SEC23IP: variants seen among roughly 807,000 people sequenced by gnomAD.
SEC23IP encodes the protein SEC23-interacting protein.
Under a neutral mutation model 113.4 loss-of-function variants are expected in SEC23IP, and 70 were observed. The ratio of observed to expected loss-of-function variants is 0.62; its 90% CI spans 0.51 to 0.75. SEC23IP has a LOEUF of 0.75. SEC23IP is among the 30% of genes least tolerant of loss of function. The probability of loss-of-function intolerance (pLI) is 0.00; values close to 1 mark genes in which losing one functional copy is unlikely to be tolerated. For synonymous variants in SEC23IP, 398 were observed against 421.0 expected (o/e 0.95, Z 0.67); for missense variants, 1,160 against 1,204.9 (o/e 0.96, Z 0.55).
In SEC23IP at chr10:119,918,508, G is replaced by A. The variant is rs771202705; in HGVS notation, c.1869G>A (p.Lys623=). ...GVVKQLHFQE[K]QMPEEPKLTL... ...TGAAGCAGCTACATTTTCAGGAAAA[G>A]CAGGTACGTCTGTACGTGGCCAATT... Residue 623 remains lysine, a synonymous_variant, in exon 10 of 19, where the codon AAG becomes AAA. Coordinates refer to ENST00000369075, the MANE Select transcript of SEC23IP (RefSeq NM_007190.4). 1.3e-6 allele frequency: 2 copies of A among 1,592,574 alleles called. No individual in the cohort carries two copies. The highest frequency in any genetic ancestry group is 1.7e-6 in the Non-Finnish European group (2 of 1,160,390).
intron 1 of SEC23IP, 95 bp downstream of exon 1, chr10:119,893,040 C>T: frequency 7.2e-7 from 1 of 1,387,096 alleles, no homozygotes; most frequent in South Asian, 1.3e-5. Flanking sequence ...CTGCCTCGAG[C>T]TACCCTCTGG....
chr10:119,927,114 C>A (rs1855447936), intron 13 of SEC23IP, among the ~76,000 whole-genome samples: 1 of 152,112 alleles, frequency 6.6e-6, no homozygotes, highest in Admixed American at 6.5e-5. Context: ...CTCAGGTTAG[C>A]CTCGAACTCC....
intron 13 of SEC23IP, among the ~76,000 whole-genome samples, chr10:119,927,948 G>T (rs1855475266): frequency 6.6e-6 from 1 of 152,228 alleles, no homozygotes; most frequent in African/African-American, 2.4e-5. Context: ...TGGCAGTTTA[G>T]AAGGTTGCCT....
intron 6 of SEC23IP, among the ~76,000 whole-genome samples, chr10:119,912,740 A>G (rs1478134495): frequency 1.3e-5 from 2 of 148,426 alleles, no homozygotes; most frequent in Admixed American, 6.8e-5. Context: ...TCCCAGGTTC[A>G]TGCGATTCTC....
At chr10:119,935,892 C>T (rs1855763126) in intron 18 of SEC23IP, among the ~76,000 whole-genome samples, 1 of 152,232 alleles carries the variant, frequency 6.6e-6, no homozygotes, top group East Asian at 1.9e-4. Context: ...AAGAAGACCA[C>T]TTCAGGTGGA....
chr10:119,918,303 T>C (rs1048347473), intron 9 of SEC23IP, 90 bp from the exon 10 acceptor site: 1 of 802,666 alleles, frequency 1.2e-6, no homozygotes, highest in African/African-American at 1.7e-5. Context: ...ATGTAACTTC[T>C]GTATGACTTT....
At position 119,932,249 on chromosome 10, in the gene SEC23IP, C is replaced by G; in HGVS notation, c.2689C>G (p.Gln897Glu). 1 of 1,613,884 alleles carries G rather than the reference C, an allele frequency of 6.2e-7. No homozygotes were observed. The highest frequency in any genetic ancestry group is 8.5e-7 in the Non-Finnish European group (1 of 1,179,846). The change falls in exon 16 of 19, where the codon CAG becomes GAG. Residue 897 changes from glutamine (Q) to glutamate (E), a missense_variant. By Grantham distance (29) the Gln-to-Glu change is conservative (BLOSUM62 2). Transcript: ENST00000369075. ...TGCCCGTGCTCATACGTCTTCAACCCAGTTGCAAGAAGAATTGGAGAAGGT... is the reference window on the plus strand; with the variant it reads ...TGCCCGTGCTCATACGTCTTCAACCGAGTTGCAAGAAGAATTGGAGAAGGT... ...EFARAHTSST[Q>E]LQEELEKVAN... is the part of the protein sequence containing the mutation.
chr10:119,915,815 G>A lies in SEC23IP; in HGVS notation c.1470G>A (p.Gly490=), dbSNP rs1224634552. The change falls in exon 8 of 19, where the codon GGG becomes GGA. Residue 490 remains glycine (G), a synonymous_variant. Coordinates refer to ENST00000369075, the MANE Select transcript of SEC23IP (RefSeq NM_007190.4). ...ATTTCAAGAAATCTTTAGATGACGG[G>A]AAAGTAAGCAGAGTGGAGTTCCTTC... ...RTHFKKSLDD[G]KVSRVEFLPV... The A allele has an allele frequency of 1.9e-6, 3 of 1,605,146 alleles. No homozygotes were observed. Among genetic ancestry groups the A allele is most frequent in the African/African-American group, 1.3e-5 (1 of 74,794 alleles).
intron 12 of SEC23IP, among the ~76,000 whole-genome samples, chr10:119,923,953 G>A (rs191652945): frequency 6.6e-6 from 1 of 152,324 alleles, no homozygotes; most frequent in Admixed American, 6.5e-5. Context: ...TCCTTAGACA[G>A]CTCTCAGCAA....
intron 2 of SEC23IP, among the ~76,000 whole-genome samples, chr10:119,900,896 A>G (rs1385725000): frequency 6.6e-6 from 1 of 151,982 alleles, no homozygotes; most frequent in Non-Finnish European, 1.5e-5. Context: ...TCATTTTGTT[A>G]TATGTCTTTT....
At chr10:119,894,892 C>CTGTGTGTGTGTG (rs3065498) in intron 1 of SEC23IP, among the ~76,000 whole-genome samples, 31 of 143,498 alleles carry the variant, frequency 2.2e-4, no homozygotes, top group Admixed American at 1.5e-3. Flanking sequence ...TGGAGACAGT[C>CTGTGTGTGTGTG]TGTGTGTGTG....
In SEC23IP at chr10:119,918,376, A is replaced by G. The variant is rs1273284967; in HGVS notation, c.1754-17A>G. 4.1e-6 allele frequency: 6 copies of G among 1,464,674 alleles called. No individual in the cohort carries two copies. Among genetic ancestry groups the G allele is most frequent in the Non-Finnish European group, 5.7e-6 (6 of 1,047,422 alleles). 90.7% of individuals were successfully genotyped at this position (1,464,674 alleles called of 1,614,324 possible). A position where few individuals can be genotyped will look rare whatever the true frequency, so the allele number is the denominator to read the frequency against. On this transcript the variant is annotated splice_polypyrimidine_tract_variant and intron_variant, in intron 9 of 18. Transcript: ENST00000369075. ...AGTACCTACTACATTATAAGGCAAAATGTTTCTTTTTCATAGGTTCTTTAA... is the reference window on the plus strand; with the variant it reads ...AGTACCTACTACATTATAAGGCAAAGTGTTTCTTTTTCATAGGTTCTTTAA...
Position 119,902,824 on chromosome 10 carries a change from C to T in SEC23IP, c.722C>T (p.Ala241Val). ...PPVPSSVQSP[A>V]QQQVPARPGA... ...GTTCCTTCTTCAGTGCAGTCACCGG[C>T]ACAGCAGCAGGTACCTGCCAGACCT... The change falls in exon 3 of 19, where the codon GCA becomes GTA. Residue 241 changes from alanine to valine, a missense_variant. Coordinates refer to ENST00000369075, the MANE Select transcript of SEC23IP (RefSeq NM_007190.4). 6.2e-7 allele frequency: 1 copy of T among 1,614,174 alleles called. No homozygotes were observed. Among genetic ancestry groups the T allele is most frequent in the Non-Finnish European group, 8.5e-7 (1 of 1,180,002 alleles).
chr10:119,929,624 C>CGT lies in SEC23IP; in HGVS notation c.2331_2332insGT (p.Ser778ValfsTer3). On this transcript the variant is annotated frameshift_variant, in exon 14 of 19. Coordinates refer to ENST00000369075, the MANE Select transcript of SEC23IP (RefSeq NM_007190.4). LOFTEE classifies it high-confidence loss of function. The stretch of plus-strand genomic sequence containing the variant: ...CTTTCCAGGTTTCTGTTGCTTACAA[C>CGT]TCATTAGATTTTGAACCAGAGATAT... 6.2e-7 allele frequency: 1 copy of CGT among 1,610,356 alleles called. No individual in the cohort carries two copies.
At chr10:119,924,225 T>G (rs1316415979) in intron 12 of SEC23IP, among the ~76,000 whole-genome samples, 1 of 152,204 alleles carries the variant, frequency 6.6e-6, no homozygotes, top group African/African-American at 2.4e-5. Context: ...AATTAAATAA[T>G]AAGATCATTT....
chr10:119,907,036 G>A (rs1352673872), intron 4 of SEC23IP, among the ~76,000 whole-genome samples: 1 of 151,168 alleles, frequency 6.6e-6, no homozygotes, highest in Non-Finnish European at 1.5e-5. Context: ...GGTGACTCAC[G>A]CCTGTAATCC....
chr10:119,919,252 C>G (rs1023720834), intron 10 of SEC23IP, among the ~76,000 whole-genome samples, 192 bp from the exon 11 acceptor site: 6 of 152,108 alleles, frequency 3.9e-5, no homozygotes, highest in African/African-American at 1.4e-4. Flanking sequence ...CCTCAGCCTC[C>G]CAAAGTGCTG....
rs1185577644 is a variant in SEC23IP, at chr10:119,902,791, C to T, written c.697-8C>T. 39 of 1,611,860 alleles carry T rather than the reference C, an allele frequency of 2.4e-5. No individual in the cohort carries two copies. Among genetic ancestry groups the T allele is most frequent in the Non-Finnish European group, 3.2e-5 (38 of 1,179,082 alleles). On this transcript the variant is annotated splice_region_variant and splice_polypyrimidine_tract_variant and intron_variant, in intron 2 of 18. Coordinates refer to ENST00000369075, the MANE Select transcript of SEC23IP (RefSeq NM_007190.4). ...GCATGACAGTCTTAACTTTGCCGTC[C>T]CCTCCAGGTTCCTTCTTCAGTGCAG... is the stretch of plus-strand genomic sequence containing the variant.
At chr10:119,907,689 G>T (rs562352726) in intron 4 of SEC23IP, among the ~76,000 whole-genome samples, 9 of 152,272 alleles carry the variant, frequency 5.9e-5, no homozygotes, top group Admixed American at 1.3e-4. Context: ...CGTAGCTCAC[G>T]CCTGTAATCC....
Sources: allele counts gnomAD v4.1 joint callset (sites outside exome capture counted in the v4.1 genomes callset), GRCh38; gene constraint gnomAD v4.1.1; transcripts MANE v1.5; gene names NCBI Gene and HGNC (gene_info 2026-07-23, HGNC 2026-07-21).